The following RNF13 variants were observed in gnomAD, a reference collection of about 807,000 sequenced individuals.
RNF13 encodes the protein ring finger protein 13.
In RNF13, 19 loss-of-function variants were observed where a neutral mutation model predicts 37.7. That is an observed-to-expected ratio of 0.50 (90% CI 0.35 to 0.74). The LOEUF is 0.74. Among genes scored for constraint, RNF13 ranks in the 30% least tolerant of loss-of-function variants. RNF13 has a pLI of 0.01. For missense variants in RNF13, 375 were observed against 453.0 expected (o/e 0.83, Z 1.56); for synonymous variants, 144 against 157.8 (o/e 0.91, Z 0.65).
chr3:149,867,937 C>G (rs1711544681), intron 3 of RNF13, among the ~76,000 whole-genome samples: 1 of 151,492 alleles, frequency 6.6e-6, no homozygotes, highest in Non-Finnish European at 1.5e-5. Context: ...GAATCTGTTA[C>G]AGGTTTTTGC....
intron 8 of RNF13, among the ~76,000 whole-genome samples, chr3:149,936,006 A>G (rs1392429868): frequency 1.3e-5 from 2 of 150,926 alleles, no homozygotes; most frequent in Non-Finnish European, 2.9e-5. Context: ...TTTGCTGGGG[A>G]CACTGTTCTC....
intron 8 of RNF13, among the ~76,000 whole-genome samples, chr3:149,947,436 GCT>G (rs756487560): frequency 9.4e-5 from 14 of 149,494 alleles, no homozygotes; most frequent in Non-Finnish European, 1.6e-4. Context: ...GCGGAGTTTC[GCT>G]CTTTTGCCCA....
intron 1 of RNF13, among the ~76,000 whole-genome samples, chr3:149,840,987 C>T (rs573320407): frequency 3.9e-5 from 6 of 152,268 alleles, no homozygotes; most frequent in African/African-American, 9.6e-5. Flanking sequence ...TTTAATAGTC[C>T]GTGAGTAGCT....
rs541031657 is a variant in RNF13, at chr3:149,867,384, G to A, written c.196-4645G>A. ...GGGTTCACACCATTCTCCTGCCTCA[G>A]CCTCCCTAGTAGCTGGGACTACAGG... On this transcript the variant is annotated intron_variant, in intron 3 of 9. Coordinates refer to ENST00000392894, the MANE Select transcript of RNF13 (RefSeq NM_183381.3). 1.3e-4 allele frequency among the ~76,000 whole-genome samples: 19 copies of A among 151,638 alleles called. No individual in the cohort carries two copies. In the South Asian group the frequency reaches 3.5e-3, roughly 28 times the overall value.
chr3:149,958,364 T>TCC (rs1315572086), intron 8 of RNF13, among the ~76,000 whole-genome samples: 2 of 152,238 alleles, frequency 1.3e-5, no homozygotes, highest in South Asian at 4.2e-4. Flanking sequence ...TGACCCTTCT[T>TCC]CCCCCTATCT....
chr3:149,937,394 C>T (rs186361920), intron 8 of RNF13, among the ~76,000 whole-genome samples: 5 of 152,060 alleles, frequency 3.3e-5, no homozygotes, highest in East Asian at 1.9e-4. Flanking sequence ...ATAGAGAAGT[C>T]GAGGGGCATC....
intron 4 of RNF13, among the ~76,000 whole-genome samples, chr3:149,882,483 G>T (rs1164599538): frequency 6.6e-6 from 1 of 152,086 alleles, no homozygotes; most frequent in Non-Finnish European, 1.5e-5. Flanking sequence ...GAACATTAAA[G>T]CCTGGTACTT....
chr3:149,938,911 A>T (rs1392646411), intron 8 of RNF13: 3 of 360,722 alleles, frequency 8.3e-6, no homozygotes. Context: ...ACTGCATTAT[A>T]AAAAGGACAG....
In RNF13 at chr3:149,943,742, A is replaced by C. The variant is rs377218502; in HGVS notation, c.701-16314A>C. ...TTACTGTTTCCACAGTCACTTTTTC[A>C]AGGATGTCATGTAGTTGGAATCATA... On this transcript the variant is annotated intron_variant, in intron 8 of 9. Transcript: ENST00000392894. Among the ~76,000 whole-genome samples the C allele has an allele frequency of 7.9e-5, 12 of 151,776 alleles. No individual in the cohort carries two copies. In the East Asian group the frequency reaches 1.9e-3, roughly 25 times the overall value.
intron 3 of RNF13, among the ~76,000 whole-genome samples, chr3:149,864,008 A>AT (rs535062004): frequency 0.014 from 417 of 29,692 alleles, 18 homozygotes; most frequent in Middle Eastern, 0.031. Flanking sequence ...TTTGATTGGA[A>AT]TTTTTTTTTT....
intron 9 of RNF13, 83 bp from the exon 10 acceptor site, chr3:149,960,657 C>A: frequency 7.4e-7 from 1 of 1,356,642 alleles, no homozygotes; most frequent in Non-Finnish European, 1.0e-6. Flanking sequence ...ACATACAGAA[C>A]ACTGAATAAA....
At chr3:149,923,724 C>T (rs541490694) in intron 8 of RNF13, among the ~76,000 whole-genome samples, 5 of 143,768 alleles carry the variant, frequency 3.5e-5, no homozygotes, top group South Asian at 4.3e-4. Context: ...CGAGATCACA[C>T]GACTGCAATC....
chr3:149,857,777 C>T (rs991457509), intron 3 of RNF13, among the ~76,000 whole-genome samples: 1 of 152,148 alleles, frequency 6.6e-6, no homozygotes, highest in Admixed American at 6.5e-5. Flanking sequence ...TATAATGTAA[C>T]GTATGACTCT....
intron 8 of RNF13, among the ~76,000 whole-genome samples, chr3:149,934,274 G>T (rs1204484201): frequency 2.6e-5 from 4 of 151,824 alleles, no homozygotes; most frequent in Non-Finnish European, 5.9e-5. Context: ...TCTAGCAAAA[G>T]GTATGTGGAC....
At chr3:149,818,150 C>G (rs925419757) in intron 1 of RNF13, among the ~76,000 whole-genome samples, 21 of 152,176 alleles carry the variant, frequency 1.4e-4, no homozygotes, top group African/African-American at 5.1e-4. Context: ...TTGGATCCTA[C>G]TACTTAGGGG....
At chr3:149,852,493 A>G (rs1723207917) in intron 2 of RNF13, 23 bp from the exon 3 acceptor site, 1 of 1,224,198 alleles carries the variant, frequency 8.2e-7, no homozygotes, top group East Asian at 2.6e-5. Context: ...TCTTAACTTG[A>G]ATATTTAAAA....
chr3:149,902,120 C>A lies in RNF13; in HGVS notation c.458C>A (p.Ser153Ter). The A allele has an allele frequency of 6.6e-7, 1 of 1,521,792 alleles. No individual in the cohort carries two copies. Among genetic ancestry groups the A allele is most frequent in the Non-Finnish European group, 8.8e-7 (1 of 1,130,528 alleles). 94.3% of individuals were successfully genotyped at this position (1,521,792 alleles called of 1,614,324 possible). Residue 153 changes from serine to a stop codon, truncating the protein, a stop_gained, in exon 6 of 10, where the codon TCA (serine) becomes TAA (stop). Coordinates refer to ENST00000392894, the MANE Select transcript of RNF13 (RefSeq NM_183381.3). LOFTEE classifies it high-confidence loss of function. The stretch of plus-strand genomic sequence containing the variant: ...ATTCCATCTGTCTTTATTGGTGAAT[C>A]ATCAGCTAATTCTCTGAAAGATGAA... ...IDIPSVFIGE[S>*]SANSLKDEFT...
At chr3:149,842,048 C>T (rs1035590946) in intron 1 of RNF13, among the ~76,000 whole-genome samples, 5 of 152,154 alleles carry the variant, frequency 3.3e-5, no homozygotes, top group African/African-American at 1.2e-4. Flanking sequence ...TCTCTCTTGA[C>T]TTTTGTGAAA....
At chr3:149,853,710 T>TG (rs1723368834) in intron 3 of RNF13, among the ~76,000 whole-genome samples, 1 of 152,014 alleles carries the variant, frequency 6.6e-6, no homozygotes, top group Admixed American at 6.6e-5. Flanking sequence ...CCTCTACCTC[T>TG]GGGGGTTAGA....
Sources: gnomAD v4.1 joint callset for allele counts (sites outside exome capture counted in the v4.1 genomes callset) on GRCh38, gnomAD v4.1.1 for gene constraint, MANE v1.5 for transcripts, NCBI Gene and HGNC (gene_info 2026-07-23, HGNC 2026-07-21) for gene names.